The following NGEF variants were observed in gnomAD, a reference collection of about 807,000 sequenced individuals.
NGEF encodes the protein ephexin-1.
NGEF carries 31 observed loss-of-function variants against 80.9 expected under a neutral mutation model. That is an observed-to-expected ratio of 0.38 (90% CI 0.29 to 0.52). NGEF has a LOEUF of 0.52. NGEF is among the 20% of genes least tolerant of loss of function. The probability of loss-of-function intolerance (pLI) is 0.84; values close to 1 mark genes in which losing one functional copy is unlikely to be tolerated. For synonymous variants in NGEF, 371 were observed against 370.2 expected, an observed-to-expected ratio of 1.00 and a Z score of -0.03; for missense variants, 709 against 926.2, an observed-to-expected ratio of 0.77 and a Z score of 3.04.
rs577856862 is a variant in NGEF, at chr2:233,001,946, C to T, written c.-75+11122G>A. 5.9e-5 allele frequency among the ~76,000 whole-genome samples: 9 copies of T among 152,060 alleles called. 1 individual carries two copies. The East Asian group carries it at 7.7e-4, about 13-fold the overall frequency. ...AGGAGAATTGCTTGAACCCGGGAGA[C>T]GGAGGTTGCCCTGAACCATTGCACT... On this transcript the variant is annotated intron_variant, in intron 1 of 14. Transcript: ENST00000264051.
chr2:232,895,013 G>T, intron 5 of NGEF, 97 bp from the exon 6 acceptor site: 1 of 1,370,894 alleles, frequency 7.3e-7, no homozygotes, highest in Non-Finnish European at 9.9e-7. Context: ...GGCTCAGCAG[G>T]GAGTTGAAAG....
chr2:232,966,087 C>T (rs34442922), intron 3 of NGEF, among the ~76,000 whole-genome samples: 29,323 of 152,050 alleles, frequency 0.19, 3,002 homozygotes, highest in East Asian at 0.34. Context: ...CAGCCCAAAG[C>T]GATTTCCTGA....
At chr2:233,005,691 G>A (rs1574667287) in intron 1 of NGEF, among the ~76,000 whole-genome samples, 2 of 152,306 alleles carry the variant, frequency 1.3e-5, no homozygotes, top group East Asian at 3.9e-4. Flanking sequence ...GGAAAAGGCA[G>A]GAAACATCCT....
At position 232,963,456 on chromosome 2, in the gene NGEF, G is replaced by A. The variant is rs116962540; in HGVS notation, c.383+6758C>T. Reference sequence around the variant, plus strand: ...TCTACTATTTCTTAGGATATAAAAGGACAAACAATAAAAAAATTTCTAACT... The same window carrying A: ...TCTACTATTTCTTAGGATATAAAAGAACAAACAATAAAAAAATTTCTAACT... On this transcript the variant is annotated intron_variant, in intron 3 of 14. Transcript: ENST00000264051. Among the ~76,000 whole-genome samples, 211 of 151,900 alleles carry A rather than the reference G, an allele frequency of 1.4e-3. 5 individuals are homozygous for A. In the East Asian group the frequency reaches 0.037, roughly 26 times the overall value.
intron 5 of NGEF, among the ~76,000 whole-genome samples, chr2:232,912,685 T>C (rs1692713863): frequency 6.6e-6 from 1 of 152,208 alleles, no homozygotes; most frequent in South Asian, 2.1e-4. Flanking sequence ...ATTAATTTCT[T>C]TAACAGTCAC....
At chr2:232,995,093 ATATGTG>A (rs1417226078) in intron 1 of NGEF, among the ~76,000 whole-genome samples, 489 of 22,522 alleles carry the variant, frequency 0.022, 148 homozygotes, top group African/African-American at 0.048. Context: ...TACAGTATGT[ATATGTG>A]TACAGTATGT....
chr2:232,915,973 G>C (rs1469409770), intron 5 of NGEF, among the ~76,000 whole-genome samples: 2 of 152,214 alleles, frequency 1.3e-5, no homozygotes, highest in Non-Finnish European at 2.9e-5. Flanking sequence ...TTACAGGCAA[G>C]AGCCTCTGTG....
At chr2:232,937,086 C>T (rs1693341722) in intron 3 of NGEF, among the ~76,000 whole-genome samples, 1 of 152,224 alleles carries the variant, frequency 6.6e-6, no homozygotes, top group South Asian at 2.1e-4. Context: ...TCTCCTACCT[C>T]AGCCTCCAGA....
chr2:232,927,330 G>T lies in NGEF; in HGVS notation c.384-144C>A, dbSNP rs1048177851. On this transcript the variant is annotated intron_variant, in intron 3 of 14. Coordinates refer to ENST00000264051, the MANE Select transcript of NGEF (RefSeq NM_019850.3). ...TCCAGGGGCAGCGGCCGCAGCCAGC[G>T]CCGCCCCTCCCGGCCGGGCGGGCCC... 4.4e-5 allele frequency: 38 copies of T among 854,284 alleles called. No homozygotes were observed. In the African/African-American group the frequency reaches 6.4e-4, roughly 14 times the overall value. 52.9% of individuals were successfully genotyped at this position (854,284 alleles called of 1,614,324 possible). A position where few individuals can be genotyped will look rare whatever the true frequency, so the allele number is the denominator to read the frequency against.
intron 1 of NGEF, among the ~76,000 whole-genome samples, chr2:232,983,905 G>A (rs570213245): frequency 3.3e-5 from 5 of 152,262 alleles, no homozygotes; most frequent in African/African-American, 1.2e-4. Context: ...CCCCGAGTCC[G>A]GGCCTCTCCA....
chr2:232,918,673 C>T (rs1261042579), intron 5 of NGEF, among the ~76,000 whole-genome samples: 1 of 130,190 alleles, frequency 7.7e-6, no homozygotes, highest in Non-Finnish European at 1.6e-5. Flanking sequence ...CTTGATTTGT[C>T]ACCCAGGCTG....
At chr2:232,895,401 C>T (rs956971481) in intron 5 of NGEF, among the ~76,000 whole-genome samples, 1 of 152,002 alleles carries the variant, frequency 6.6e-6, no homozygotes, top group Non-Finnish European at 1.5e-5. Context: ...GTAGCACATG[C>T]CTGTAATCCT....
At chr2:232,972,020 C>T (rs1264564908) in intron 2 of NGEF, among the ~76,000 whole-genome samples, 2 of 152,190 alleles carry the variant, frequency 1.3e-5, no homozygotes, top group Non-Finnish European at 2.9e-5. Flanking sequence ...CTATTATGCA[C>T]TTGAAATGTG....
At chr2:233,001,577 A>C (rs1480196924) in intron 1 of NGEF, among the ~76,000 whole-genome samples, 1 of 152,172 alleles carries the variant, frequency 6.6e-6, no homozygotes, top group Non-Finnish European at 1.5e-5. Flanking sequence ...AGGGAGGCAG[A>C]GGGTGATGAG....
chr2:232,963,226 G>T (rs1693988789), intron 3 of NGEF, among the ~76,000 whole-genome samples: 1 of 151,866 alleles, frequency 6.6e-6, no homozygotes, highest in East Asian at 1.9e-4. Context: ...CAGAATAAAA[G>T]TTCAGAAATA....
intron 5 of NGEF, among the ~76,000 whole-genome samples, chr2:232,904,359 G>T (rs534443793): frequency 6.6e-6 from 1 of 152,198 alleles, no homozygotes; most frequent in South Asian, 2.1e-4. Context: ...CTCCCGAGTA[G>T]CTGGAACTAC....
At chr2:232,915,670 G>A (rs1372494742) in intron 5 of NGEF, among the ~76,000 whole-genome samples, 3 of 152,012 alleles carry the variant, frequency 2.0e-5, no homozygotes, top group African/African-American at 7.2e-5. Context: ...GTCTCCTCTT[G>A]TTTCTGACAG....
intron 5 of NGEF, among the ~76,000 whole-genome samples, chr2:232,906,185 G>A (rs1477409969): frequency 4.2e-5 from 1 of 24,062 alleles, no homozygotes; most frequent in East Asian, 1.3e-3. Context: ...TCAGCCCCCC[G>A]CCTGGCCAGC....
chr2:232,960,476 A>C (rs192590224), intron 3 of NGEF, among the ~76,000 whole-genome samples: 2 of 152,158 alleles, frequency 1.3e-5, no homozygotes, highest in African/African-American at 4.8e-5. Context: ...GCCATACCTC[A>C]CAGGCAGCCT....
Sources: gnomAD v4.1 joint callset for allele counts (sites outside exome capture counted in the v4.1 genomes callset) on GRCh38, gnomAD v4.1.1 for gene constraint, MANE v1.5 for transcripts, NCBI Gene and HGNC (gene_info 2026-07-23, HGNC 2026-07-21) for gene names.